The following SORL1 variants were observed in gnomAD, a reference collection of about 807,000 sequenced individuals.
SORL1 encodes sortilin-related receptor.
A neutral mutation model predicts 273.7 loss-of-function variants in SORL1; 127 were observed. The ratio of observed to expected loss-of-function variants is 0.46; its 90% CI spans 0.40 to 0.54. The LOEUF (loss-of-function observed/expected upper bound fraction) is 0.54, where lower values mean the gene tolerates loss of function less well. SORL1 is among the 20% of genes least tolerant of loss of function. The pLI is 0.00. For synonymous variants in SORL1, 1,031 were observed against 1,067.4 expected (o/e 0.97, Z 0.66); for missense variants, 2,494 against 2,846.1 (o/e 0.88, Z 2.81).
At position 121,504,745 on chromosome 11, in the gene SORL1, A is replaced by T. The variant is rs1044905316; in HGVS notation, c.939+7696A>T. 2.0e-5 allele frequency among the ~76,000 whole-genome samples: 3 copies of T among 152,110 alleles called. No homozygotes were observed. The East Asian group carries it at 5.8e-4, about 29-fold the overall frequency. On this transcript the variant is annotated intron_variant, in intron 6 of 47. Transcript: ENST00000260197. ...CTAGTAAAATGTTGACTAGGAGTGGAGAGAGTAGGCATCCTTGTCTTATTC... is the reference window on the plus strand; with the variant it reads ...CTAGTAAAATGTTGACTAGGAGTGGTGAGAGTAGGCATCCTTGTCTTATTC...
rs67390938 is a variant in SORL1, at chr11:121,547,417, C to CAAAAAAAAAAAAAAAAAAA, written c.2051+1998_2051+2016dup. On this transcript the variant is annotated intron_variant, in intron 14 of 47. Transcript: ENST00000260197. ...TGCCCTACATTTCCCCAACCCTCACCAAAAAAAAAAAAAAAAAAAAAAAAA... is the reference window on the plus strand; with the variant it reads ...TGCCCTACATTTCCCCAACCCTCACCAAAAAAAAAAAAAAAAAAAAAAAAAAAAAAAAAAAAAAAAAAAA... Among the ~76,000 whole-genome samples the CAAAAAAAAAAAAAAAAAAA allele has an allele frequency of 1.7e-4, 4 of 24,034 alleles. 1 individual carries two copies. The highest frequency in any genetic ancestry group is 9.8e-4 in the African/African-American group (4 of 4,102). The allele number at this position is 24,034 out of a possible 152,430, so 15.8% of individuals were successfully genotyped here.
intron 32 of SORL1, among the ~76,000 whole-genome samples, chr11:121,599,424 A>G (rs1863352433): frequency 6.6e-6 from 1 of 152,142 alleles, no homozygotes; most frequent in African/African-American, 2.4e-5. Context: ...CATGCCTGTA[A>G]TCCTAGCTAT....
intron 1 of SORL1, among the ~76,000 whole-genome samples, chr11:121,458,226 G>A (rs1432286213): frequency 6.6e-6 from 1 of 152,148 alleles, no homozygotes; most frequent in Non-Finnish European, 1.5e-5. Context: ...ATTAAAATGA[G>A]TTTGCATTCT....
In SORL1 at chr11:121,558,596, T is replaced by C. The variant is rs1420828258; in HGVS notation, c.2669T>C (p.Met890Thr). ...TCTGTCCCCATTTTCGCTAGGGTGA[T>C]GTTCTGGACAGACTGGGGAGACCTG... is the stretch of plus-strand genomic sequence containing the variant. Reference protein sequence around the residue: ...ALVLVPQEGVMFWTDWGDLKP... With the variant: ...ALVLVPQEGVTFWTDWGDLKP... The change falls in exon 20 of 48, where the codon ATG (methionine) becomes ACG (threonine). Residue 890 changes from methionine (M) to threonine (T), a missense_variant. Transcript: ENST00000260197. The C allele has an allele frequency of 6.2e-6, 10 of 1,614,052 alleles. No homozygotes were observed. The highest frequency in any genetic ancestry group is 8.5e-6 in the Non-Finnish European group (10 of 1,180,018).
At chr11:121,586,721 T>G (rs1863121251) in intron 27 of SORL1, among the ~76,000 whole-genome samples, 1 of 149,046 alleles carries the variant, frequency 6.7e-6, no homozygotes, top group Admixed American at 6.7e-5. Context: ...GGGGGCATTT[T>G]TAGGCCAGAT....
At chr11:121,621,915 T>G (rs1863728784) in intron 44 of SORL1, among the ~76,000 whole-genome samples, 1 of 152,220 alleles carries the variant, frequency 6.6e-6, no homozygotes, top group African/African-American at 2.4e-5. Flanking sequence ...TGTACACACT[T>G]GGTTACAAGG....
Position 121,595,577 on chromosome 11 carries a change from G to C in SORL1, c.4370-46G>C. 3 of 1,511,336 alleles carry C rather than the reference G, an allele frequency of 2.0e-6. No individual in the cohort carries two copies. The highest frequency in any genetic ancestry group is 2.7e-6 in the Non-Finnish European group (3 of 1,119,118). 93.6% of individuals were successfully genotyped at this position (1,511,336 alleles called of 1,614,324 possible). On this transcript the variant is annotated intron_variant, in intron 31 of 47. Transcript: ENST00000260197. This position sits in a 1 kb window ranked among gnomAD's most constrained non-coding sequence, Gnocchi z 5.1. Reference sequence around the variant, plus strand: ...ATTGATTGGTTGCTGTTATTGGCCAGCTCCCTCAATATTAAAAAGTAAATT... The same window carrying C: ...ATTGATTGGTTGCTGTTATTGGCCACCTCCCTCAATATTAAAAAGTAAATT...
At chr11:121,476,368 A>G (rs1861266670) in intron 2 of SORL1, among the ~76,000 whole-genome samples, 2 of 152,182 alleles carry the variant, frequency 1.3e-5, no homozygotes, top group Non-Finnish European at 2.9e-5. Context: ...GTGTGTTCCA[A>G]TAGCTTCTTC....
At chr11:121,494,711 T>C (rs889887566) in intron 5 of SORL1, among the ~76,000 whole-genome samples, 4 of 152,142 alleles carry the variant, frequency 2.6e-5, no homozygotes. Context: ...CGGAAGAAAA[T>C]TGGGATGAAA....
Position 121,543,544 on chromosome 11 carries a change from G to T in SORL1, c.1686-4G>T, listed in dbSNP as rs1385890703. The T allele has an allele frequency of 1.2e-6, 2 of 1,608,862 alleles. No individual in the cohort carries two copies. The highest frequency in any genetic ancestry group is 1.1e-5 in the South Asian group (1 of 90,888). On this transcript the variant is annotated splice_polypyrimidine_tract_variant and splice_region_variant and intron_variant, in intron 12 of 47. Transcript: ENST00000260197. ...CAAGGATTCTCTTACTTGCATTTGG[G>T]CAGATACAGTACCAATGAAGGGGAG...
chr11:121,457,411 A>G (rs1860925518), intron 1 of SORL1, among the ~76,000 whole-genome samples: 1 of 152,146 alleles, frequency 6.6e-6, no homozygotes. Context: ...TGTTATCAAT[A>G]TTTTTGTATA....
In SORL1 at chr11:121,495,216, G is replaced by A. The variant is rs148206751; in HGVS notation, c.759-1653G>A. On this transcript the variant is annotated intron_variant, in intron 5 of 47. Coordinates refer to ENST00000260197, the MANE Select transcript of SORL1 (RefSeq NM_003105.6). ...CACCTCAGCCTCCTGAGTAGCTGGG[G>A]CTACAGGTGTACGCCAGCATACCTG... 5.5e-3 allele frequency among the ~76,000 whole-genome samples: 838 copies of A among 152,196 alleles called. 7 individuals carry two copies. Among genetic ancestry groups the A allele is most frequent in the African/African-American group, 0.019 (806 of 41,538 alleles).
In SORL1 at chr11:121,622,224, T is replaced by C. The variant is rs1373367496; in HGVS notation, c.6127T>C (p.Trp2043Arg). The C allele has an allele frequency of 6.2e-7, 1 of 1,612,818 alleles. No individual in the cohort carries two copies. The highest frequency in any genetic ancestry group is 1.7e-5 in the Admixed American group (1 of 59,980). ...ITENDHVLLF[W>R]KSLALKEKHF... The stretch of plus-strand genomic sequence containing the variant: ...AGAAAATGATCATGTTCTTCTGTTT[T>C]GGAAAAGCCTGGCTTTAAAGGAAAA... Residue 2043 changes from tryptophan to arginine, a missense_variant, in exon 45 of 48, where the codon TGG becomes CGG. Coordinates refer to ENST00000260197, the MANE Select transcript of SORL1 (RefSeq NM_003105.6).
chr11:121,522,800 C>T (rs1862060995), intron 10 of SORL1, 97 bp downstream of exon 10: 3 of 1,358,558 alleles, frequency 2.2e-6, no homozygotes, highest in Non-Finnish European at 2.1e-6. Context: ...AGTAACCACG[C>T]TTTGTGGTTT....
At chr11:121,529,640 C>T (rs1438676321) in intron 11 of SORL1, among the ~76,000 whole-genome samples, 1 of 151,584 alleles carries the variant, frequency 6.6e-6, no homozygotes, top group African/African-American at 2.4e-5. Flanking sequence ...GTCTTAAACT[C>T]CTGGGTTCAA....
At chr11:121,588,418 A>G (rs1863154357) in intron 28 of SORL1, among the ~76,000 whole-genome samples, 1 of 152,124 alleles carries the variant, frequency 6.6e-6, no homozygotes, top group Admixed American at 6.5e-5. Context: ...CAGGATGGCG[A>G]GTGACCAGGG....
rs918301197 is a variant in SORL1 at position 121,596,252 on chromosome 11, G to A, written c.4519+480G>A. Among the ~76,000 whole-genome samples the A allele has an allele frequency of 2.9e-4, 44 of 152,128 alleles. No homozygotes were observed. The highest frequency in any genetic ancestry group is 5.4e-4 in the Non-Finnish European group (37 of 68,028). ...ATTATGGTTGGTGAGATAGTGTGCC[G>A]AGCCACATGGGGAATAATCACAGGG... On this transcript the variant is annotated intron_variant, in intron 32 of 47. Transcript: ENST00000260197. The surrounding 1 kb of genome is among the most constrained non-coding windows in gnomAD (Gnocchi z 4.3).
At position 121,629,873 on chromosome 11, in the gene SORL1, A is replaced by G; in HGVS notation, c.*310A>G. On this transcript the variant is annotated 3_prime_UTR_variant, in exon 48 of 48. Coordinates refer to ENST00000260197, the MANE Select transcript of SORL1 (RefSeq NM_003105.6). ...ATAATTTCGGTTCAGTAAATTGGCC[A>G]ATCTTTTTATTTTTCTAAGACACAG... is the stretch of plus-strand genomic sequence containing the variant. 3.0e-6 allele frequency: 1 copy of G among 328,548 alleles called. No individual in the cohort carries two copies. 20.4% of individuals were successfully genotyped at this position (328,548 alleles called of 1,614,324 possible).
At chr11:121,529,734 A>G (rs1410202264) in intron 11 of SORL1, among the ~76,000 whole-genome samples, 9 of 152,234 alleles carry the variant, frequency 5.9e-5, no homozygotes, top group Non-Finnish European at 4.4e-5. Flanking sequence ...AACATATAGT[A>G]GGGTCTTGCT....
Sources: gnomAD v4.1 joint callset for allele counts (sites outside exome capture counted in the v4.1 genomes callset) on GRCh38, gnomAD v4.1.1 for gene constraint, Gnocchi (gnomAD v3.1) non-coding constraint, MANE v1.5 for transcripts, NCBI Gene and HGNC (gene_info 2026-07-23, HGNC 2026-07-21) for gene names.